Variants in WDR49 observed in about 807,000 individuals in gnomAD.
WDR49 encodes the protein cilia- and flagella-associated protein 337.
Under a neutral mutation model 119.5 loss-of-function variants are expected in WDR49, and 107 were observed. That is an observed-to-expected ratio of 0.90 (90% CI 0.77 to 1.05). The LOEUF (loss-of-function observed/expected upper bound fraction) is 1.05. Among genes scored for constraint, WDR49 ranks in the 50% least tolerant of loss-of-function variants. The probability of loss-of-function intolerance (pLI) is 0.00; values close to 1 mark genes in which losing one functional copy is unlikely to be tolerated. For missense variants in WDR49, 1,240 were observed against 1,220.5 expected (o/e 1.02, Z -0.24); for synonymous variants, 425 against 418.8 (o/e 1.01, Z -0.18).
At chr3:167,610,349 C>A (rs903609432) in intron 5 of WDR49, among the ~76,000 whole-genome samples, 1 of 152,150 alleles carries the variant, frequency 6.6e-6, no homozygotes, top group South Asian at 2.1e-4. Context: ...GCACTGACGA[C>A]AAGCTGACTT....
At chr3:167,545,021 C>T (rs78164691) in intron 10 of WDR49, among the ~76,000 whole-genome samples, 3 of 151,362 alleles carry the variant, frequency 2.0e-5, no homozygotes, top group Non-Finnish European at 3.0e-5. Context: ...AATAATCCCA[C>T]CAAATATAGT....
intron 8 of WDR49, among the ~76,000 whole-genome samples, chr3:167,573,451 AT>A (rs1212783583): frequency 1.3e-4 from 19 of 151,448 alleles, no homozygotes; most frequent in Non-Finnish European, 2.4e-4. Context: ...ATAGATCTGT[AT>A]TTTTATACTT....
At chr3:167,537,062 A>T in intron 10 of WDR49, 62 bp from the exon 11 acceptor site, 3 of 1,459,990 alleles carry the variant, frequency 2.1e-6, no homozygotes, top group Non-Finnish European at 2.7e-6. Flanking sequence ...TTGAGTAGCC[A>T]CTATCCACTT....
chr3:167,499,942 A>G (rs1751495424), intron 18 of WDR49, among the ~76,000 whole-genome samples: 1 of 152,202 alleles, frequency 6.6e-6, no homozygotes, highest in South Asian at 2.1e-4. Context: ...CAAAATAAAA[A>G]TATTCATTTC....
At chr3:167,587,713 G>A (rs966569115) in intron 7 of WDR49, among the ~76,000 whole-genome samples, 1 of 151,920 alleles carries the variant, frequency 6.6e-6, no homozygotes, top group Non-Finnish European at 1.5e-5. Context: ...TGAACTCCTG[G>A]GCTTAAGTGA....
chr3:167,599,957 G>T (rs1236604511), intron 7 of WDR49, among the ~76,000 whole-genome samples: 2 of 152,062 alleles, frequency 1.3e-5, no homozygotes, highest in Non-Finnish European at 2.9e-5. Context: ...ACAAGTGATG[G>T]GTCCTTCCAG....
chr3:167,633,436 A>C (rs529121356), intron 2 of WDR49: 1 of 456,224 alleles, frequency 2.2e-6, no homozygotes, highest in Admixed American at 2.4e-5. Context: ...GCTCTTTCAC[A>C]TATACAAGAG....
intron 1 of WDR49, 127 bp from the exon 2 acceptor site, chr3:167,653,626 AT>A: frequency 2.0e-6 from 1 of 512,770 alleles, no homozygotes; most frequent in Non-Finnish European, 3.2e-6. Context: ...CCTCTCACTT[AT>A]TTGATTCTAG....
chr3:167,488,020 T>A (rs1165505498), intron 18 of WDR49, among the ~76,000 whole-genome samples: 2 of 152,018 alleles, frequency 1.3e-5, no homozygotes, highest in African/African-American at 4.8e-5. Context: ...ATCTCACTAC[T>A]GGAAATACAC....
intron 16 of WDR49, 63 bp from the exon 17 acceptor site, chr3:167,505,479 G>T: frequency 7.0e-7 from 1 of 1,422,466 alleles, no homozygotes; most frequent in Non-Finnish European, 9.2e-7. Flanking sequence ...AACTCTTTCT[G>T]GCTATGTGTA....
intron 5 of WDR49, among the ~76,000 whole-genome samples, chr3:167,607,056 C>A (rs1177290378): frequency 6.6e-6 from 1 of 152,180 alleles, no homozygotes; most frequent in Non-Finnish European, 1.5e-5. Flanking sequence ...CCCAGCAAGT[C>A]TTGTCTGCTC....
chr3:167,626,632 G>A (rs1464692458), intron 3 of WDR49, among the ~76,000 whole-genome samples: 1 of 152,010 alleles, frequency 6.6e-6, no homozygotes, highest in Non-Finnish European at 1.5e-5. Context: ...AGCTAATAAT[G>A]AAGCATGGCC....
chr3:167,649,623 C>T (rs1474409297), intron 2 of WDR49, among the ~76,000 whole-genome samples: 2 of 152,168 alleles, frequency 1.3e-5, no homozygotes, highest in South Asian at 2.1e-4. Flanking sequence ...TGAATAAGTG[C>T]ATTGTGTTTA....
intron 12 of WDR49, 24 bp from the exon 13 acceptor site, chr3:167,531,303 A>C: frequency 6.2e-7 from 1 of 1,608,310 alleles, no homozygotes; most frequent in Non-Finnish European, 8.5e-7. Flanking sequence ...AAAGCCAAGT[A>C]TATTAATGAA....
intron 10 of WDR49, among the ~76,000 whole-genome samples, chr3:167,542,074 C>T (rs1401558711): frequency 6.6e-6 from 1 of 151,532 alleles, no homozygotes; most frequent in Non-Finnish European, 1.5e-5. Context: ...AAAATCAGTC[C>T]AACAGGAAAA....
In WDR49 at chr3:167,528,858, G is replaced by A. The variant is rs541443578; in HGVS notation, c.2406+194C>T. Among the ~76,000 whole-genome samples the A allele has an allele frequency of 3.1e-4, 47 of 152,068 alleles. 2 individuals are homozygous for A. The South Asian group carries it at 9.1e-3, about 30-fold the overall frequency. On this transcript the variant is annotated intron_variant, in intron 14 of 18. Coordinates refer to ENST00000682715, the MANE Select transcript of WDR49 (RefSeq NM_001366157.1). ...TACTTAACAGAAGGTTGTCAATATT[G>A]AGAAAAACATGATTTTCCTCATTAA...
intron 5 of WDR49, among the ~76,000 whole-genome samples, chr3:167,606,431 G>A (rs936198540): frequency 5.3e-5 from 8 of 152,168 alleles, no homozygotes; most frequent in African/African-American, 1.9e-4. Context: ...GCTTCCTCAA[G>A]TGGTTCTTAA....
intron 2 of WDR49, among the ~76,000 whole-genome samples, chr3:167,641,536 T>A (rs1030810338): frequency 6.6e-6 from 1 of 151,976 alleles, no homozygotes; most frequent in Non-Finnish European, 1.5e-5. Context: ...TTGCTGAGAA[T>A]GCCCAAAGAA....
At chr3:167,627,590 C>T (rs1012090840) in intron 2 of WDR49, among the ~76,000 whole-genome samples, 7 of 151,962 alleles carry the variant, frequency 4.6e-5, no homozygotes, top group East Asian at 1.9e-4. Flanking sequence ...TGTGAGGCTG[C>T]GAGCCAAAGA....
Sources: gnomAD v4.1 joint callset for allele counts (sites outside exome capture counted in the v4.1 genomes callset) on GRCh38, gnomAD v4.1.1 for gene constraint, MANE v1.5 for transcripts, NCBI Gene and HGNC (gene_info 2026-07-23, HGNC 2026-07-21) for gene names.